SPATS1: variants seen among roughly 807,000 people sequenced by gnomAD.
SPATS1 encodes spermatogenesis-associated serine-rich protein 1.
A neutral mutation model predicts 33.6 loss-of-function variants in SPATS1; 23 were observed. That is an observed-to-expected ratio of 0.68 (90% CI 0.49 to 0.97). SPATS1 has a LOEUF of 0.97. Ranked by LOEUF, SPATS1 falls within the 50% of genes least tolerant of loss-of-function variation. The pLI is 0.00. For synonymous variants in SPATS1, 131 were observed against 125.6 expected (o/e 1.04, Z -0.29); for missense variants, 327 against 361.0 (o/e 0.91, Z 0.76).
intron 2 of SPATS1, among the ~76,000 whole-genome samples, chr6:44,348,191 T>C (rs2153365161): frequency 6.6e-6 from 1 of 152,182 alleles, no homozygotes; most frequent in African/African-American, 2.4e-5. Flanking sequence ...GTATTTTTGG[T>C]AGAGACGGAG....
At position 44,363,026 on chromosome 6, in the gene SPATS1, C is replaced by T. The variant is rs74899398; in HGVS notation, c.574+1034C>T. ...GTTAATTTTGTATTTTTAGTAGAGA[C>T]GGATTTCTCCATGTTGGTCAGGCTG... On this transcript the variant is annotated intron_variant, in intron 5 of 8. Transcript: ENST00000674044. Among the ~76,000 whole-genome samples the T allele has an allele frequency of 9.4e-4, 143 of 152,192 alleles. No homozygotes were observed. The East Asian group carries it at 0.022, about 24-fold the overall frequency.
chr6:44,369,119 A>G (rs565711966), intron 6 of SPATS1, among the ~76,000 whole-genome samples: 1 of 152,152 alleles, frequency 6.6e-6, no homozygotes, highest in South Asian at 2.1e-4. Context: ...GATGGTCTTG[A>G]TCTCCTGACC....
chr6:44,366,127 A>ATAT (rs1263721754), intron 5 of SPATS1, among the ~76,000 whole-genome samples: 79 of 141,452 alleles, frequency 5.6e-4, no homozygotes, highest in East Asian at 1.2e-3. Context: ...ATATATATAT[A>ATAT]TTTTTTTTTT....
intron 7 of SPATS1, among the ~76,000 whole-genome samples, chr6:44,375,948 A>G (rs1789916569): frequency 6.6e-6 from 1 of 151,718 alleles, no homozygotes; most frequent in African/African-American, 2.4e-5. Context: ...TCTACTAAAA[A>G]TACAAAAATT....
At chr6:44,343,331 T>G in intron 2 of SPATS1, 97 bp downstream of exon 2, 22 of 1,393,168 alleles carry the variant, frequency 1.6e-5, no homozygotes, top group East Asian at 4.7e-5. Flanking sequence ...ATTTGAAGTT[T>G]AGAAGGAAGC....
intron 2 of SPATS1, among the ~76,000 whole-genome samples, chr6:44,344,732 C>T (rs868366149): frequency 2.0e-5 from 3 of 152,080 alleles, no homozygotes; most frequent in Non-Finnish European, 4.4e-5. Context: ...CTGAATTCCA[C>T]AGATGGCAAT....
intron 2 of SPATS1, among the ~76,000 whole-genome samples, chr6:44,351,563 A>G (rs955902369): frequency 5.3e-5 from 8 of 152,220 alleles, no homozygotes; most frequent in African/African-American, 1.7e-4. Context: ...AATTATGCAT[A>G]AAGAAATATG....
chr6:44,343,301 G>A, intron 2 of SPATS1, 67 bp downstream of exon 2: 3 of 1,560,924 alleles, frequency 1.9e-6, no homozygotes, highest in Admixed American at 1.7e-5. Context: ...ACCCGGGGGC[G>A]GGGGCAGGTG....
intron 2 of SPATS1, among the ~76,000 whole-genome samples, chr6:44,350,483 G>C (rs1788168217): frequency 1.3e-5 from 2 of 152,172 alleles, no homozygotes; most frequent in Non-Finnish European, 2.9e-5. Context: ...TTTTTAACAG[G>C]CTTCCTGGGT....
rs1175898304 is a variant in SPATS1 at position 44,371,673 on chromosome 6, C to T, written c.758+1560C>T. Among the ~76,000 whole-genome samples the T allele has an allele frequency of 2.0e-5, 3 of 152,100 alleles. No homozygotes were observed. In the East Asian group the frequency reaches 5.8e-4, roughly 29 times the overall value. ...AAGATTTTTGTTTGTGGGCTGGGCG[C>T]GGTGGCTCATGCCTGTAATCCCAGC... On this transcript the variant is annotated intron_variant, in intron 7 of 8. Transcript: ENST00000674044.
intron 6 of SPATS1, among the ~76,000 whole-genome samples, chr6:44,369,042 G>T (rs926028780): frequency 6.6e-6 from 1 of 151,856 alleles, no homozygotes; most frequent in South Asian, 2.1e-4. Flanking sequence ...GACTACAGGT[G>T]CCCGCCACCA....
At chr6:44,355,818 T>C (rs1361471219) in intron 3 of SPATS1, among the ~76,000 whole-genome samples, 4 of 152,196 alleles carry the variant, frequency 2.6e-5, no homozygotes, top group African/African-American at 4.8e-5. Flanking sequence ...TGTATATCAC[T>C]AGCAGCAGTA....
At chr6:44,354,036 T>C (rs1285683973) in intron 3 of SPATS1, among the ~76,000 whole-genome samples, 3 of 17,034 alleles carry the variant, frequency 1.8e-4, no homozygotes, top group Admixed American at 9.7e-4. Context: ...AGACTTCGCC[T>C]CAAAAAAAAA....
intron 7 of SPATS1, among the ~76,000 whole-genome samples, chr6:44,375,836 T>A (rs1359927199): frequency 1.3e-5 from 2 of 151,364 alleles, no homozygotes; most frequent in Admixed American, 1.3e-4. Flanking sequence ...CTGGGTATAG[T>A]GGCTCACAAC....
intron 5 of SPATS1, among the ~76,000 whole-genome samples, chr6:44,364,222 A>G (rs1277080299): frequency 6.6e-6 from 1 of 152,188 alleles, no homozygotes; most frequent in Non-Finnish European, 1.5e-5. Flanking sequence ...CCATATCATA[A>G]TATCATATTT....
At chr6:44,369,450 T>C (rs929636905) in intron 6 of SPATS1, among the ~76,000 whole-genome samples, 1 of 151,974 alleles carries the variant, frequency 6.6e-6, no homozygotes, top group Non-Finnish European at 1.5e-5. Context: ...CTCAGGAGGC[T>C]GAGGAAGGAG....
intron 7 of SPATS1, among the ~76,000 whole-genome samples, chr6:44,372,329 T>A (rs1399103396): frequency 6.6e-6 from 1 of 152,106 alleles, no homozygotes; most frequent in Non-Finnish European, 1.5e-5. Context: ...ACTGACTGAT[T>A]TTTCTCCTGA....
At chr6:44,353,491 T>A (rs1788368542) in intron 3 of SPATS1, among the ~76,000 whole-genome samples, 1 of 152,150 alleles carries the variant, frequency 6.6e-6, no homozygotes, top group African/African-American at 2.4e-5. Flanking sequence ...GCTCAAGCAA[T>A]CTTCCCTTCT....
chr6:44,376,405 T>A lies in SPATS1; in HGVS notation c.806T>A (p.Ile269Lys), dbSNP rs1285145304. The change falls in exon 8 of 9, where the codon ATA becomes AAA. Residue 269 changes from isoleucine (I) to lysine (K), a missense_variant. Ile to Lys is a moderately radical substitution (Grantham distance 102). Coordinates refer to ENST00000674044, the MANE Select transcript of SPATS1 (RefSeq NM_001372081.1). ...KEKANSLKNE[I>K]QEVEELDNWQ... The stretch of plus-strand genomic sequence containing the variant: ...AAGGCCAACAGTTTGAAAAATGAGA[T>A]ACAAGAGGTTGAGGAGCTTGACAAC... The A allele has an allele frequency of 1.2e-6, 2 of 1,613,266 alleles. No homozygotes were observed. Among genetic ancestry groups the A allele is most frequent in the Non-Finnish European group, 1.7e-6 (2 of 1,179,774 alleles).
Sources: gnomAD v4.1 joint callset for allele counts (sites outside exome capture counted in the v4.1 genomes callset) on GRCh38, gnomAD v4.1.1 for gene constraint, MANE v1.5 for transcripts, NCBI Gene and HGNC (gene_info 2026-07-23, HGNC 2026-07-21) for gene names.